The following KDM6A variants were observed in gnomAD, a reference collection of about 807,000 sequenced individuals.
The protein encoded by KDM6A is lysine demethylase 6A.
Under a neutral mutation model 117.6 loss-of-function variants are expected in KDM6A, and 11 were observed. That is an observed-to-expected ratio of 0.09 (90% CI 0.06 to 0.15). The LOEUF is 0.15. Among genes scored for constraint, KDM6A ranks in the 10% least tolerant of loss-of-function variants. The pLI is 1.00. For missense variants in KDM6A, 799 were observed against 1,077.3 expected (o/e 0.74, Z 3.62); for synonymous variants, 384 against 396.1 (o/e 0.97, Z 0.36).
chrX:44,917,211 G>A (rs1211057734), intron 2 of KDM6A, among the ~76,000 whole-genome samples: 1 of 110,088 alleles, frequency 9.1e-6, no homozygotes, highest in Admixed American at 9.7e-5. Flanking sequence ...ATTTTTAGTA[G>A]AGATAGGGTT....
chrX:44,887,399 A>G (rs957676717), intron 2 of KDM6A, among the ~76,000 whole-genome samples: 1 of 111,339 alleles, frequency 9.0e-6, no homozygotes, highest in South Asian at 3.8e-4. Context: ...ATATTAGTTC[A>G]ATATTTTCAG....
At chrX:44,956,984 G>T (rs1037201883) in intron 2 of KDM6A, among the ~76,000 whole-genome samples, 25 of 110,141 alleles carry the variant, frequency 2.3e-4, no homozygotes, top group African/African-American at 7.9e-4. Context: ...ACAAAAATTA[G>T]CCGGGCATGG....
At chrX:44,898,003 C>G (rs1307414956) in intron 2 of KDM6A, among the ~76,000 whole-genome samples, 2 of 111,575 alleles carry the variant, frequency 1.8e-5, no homozygotes, top group Non-Finnish European at 3.8e-5. Context: ...GTCATATGGC[C>G]TTAATGCAGA....
At chrX:45,014,743 C>A (rs995139444) in intron 5 of KDM6A, among the ~76,000 whole-genome samples, 1 of 111,923 alleles carries the variant, frequency 8.9e-6, no homozygotes, top group Non-Finnish European at 1.9e-5. Context: ...AAAGTCAGTA[C>A]AATAGAAATC....
intron 2 of KDM6A, among the ~76,000 whole-genome samples, chrX:44,925,430 A>G (rs1050356598): frequency 9.0e-6 from 1 of 111,702 alleles, no homozygotes; most frequent in African/African-American, 3.3e-5. Context: ...GTTGTTTCAC[A>G]TATTCTGCTT....
At chrX:45,019,673 G>A (rs1294843388) in intron 5 of KDM6A, among the ~76,000 whole-genome samples, 1 of 111,605 alleles carries the variant, frequency 9.0e-6, no homozygotes, top group Non-Finnish European at 1.9e-5. Flanking sequence ...ATATTAGCTT[G>A]TGCTTGGAAG....
Position 45,069,947 on chromosome X carries a change from T to C in KDM6A, c.2448T>C (p.His816=). The C allele has an allele frequency of 8.3e-7, 1 of 1,210,281 alleles. No homozygotes were observed. ...MTADAVCSPS[H]GDSKSPGLLS... Reference sequence around the variant, plus strand: ...CAGATGCTGTTTGCAGTCCTAGCCATGGAGATTCTAAGTCACCAGGTTTAC... The same window carrying C: ...CAGATGCTGTTTGCAGTCCTAGCCACGGAGATTCTAAGTCACCAGGTTTAC... Residue 816 remains histidine, a synonymous_variant, in exon 18 of 30, where the codon CAT becomes CAC. Transcript: ENST00000611820.
chrX:44,947,780 A>C (rs1391402225), intron 2 of KDM6A, among the ~76,000 whole-genome samples: 3 of 111,812 alleles, frequency 2.7e-5, no homozygotes, highest in Non-Finnish European at 3.8e-5. Context: ...GTTTATTATT[A>C]CATTTTAGTT....
chrX:45,058,053 T>C (rs1418737645), intron 10 of KDM6A, among the ~76,000 whole-genome samples: 1 of 103,429 alleles, frequency 9.7e-6, no homozygotes, highest in Non-Finnish European at 2.0e-5. Flanking sequence ...TCTTTACATA[T>C]TCAAATCCCT....
At position 45,070,021 on chromosome X, in the gene KDM6A, A is replaced by G. The variant is rs747545667; in HGVS notation, c.2522A>G (p.Asn841Ser). Residue 841 changes from asparagine to serine, a missense_variant, in exon 18 of 30, where the codon AAT becomes AGT. Asn to Ser is a conservative substitution (Grantham distance 46, BLOSUM62 1). Transcript: ENST00000611820. ...QLSALLMGKA[N>S]NNVGTGTCDK... ...TCTGCCTTGTTGATGGGAAAAGCCA[A>G]TAACAATGTGGGTACTGGAACCTGT... is the stretch of plus-strand genomic sequence containing the variant. 15 of 1,209,809 alleles carry G rather than the reference A, an allele frequency of 1.2e-5. No homozygotes were observed. The highest frequency in any genetic ancestry group is 4.4e-5 in the Admixed American group (2 of 45,790).
chrX:44,961,241 G>A (rs1033894253), intron 2 of KDM6A, 43 bp from the exon 3 acceptor site: 4 of 954,348 alleles, frequency 4.2e-6, no homozygotes, highest in Non-Finnish European at 6.0e-6. Context: ...TGTATTTTAG[G>A]GCTTTATTTT....
chrX:45,107,771 A>G (rs1266598154), intron 28 of KDM6A, among the ~76,000 whole-genome samples: 1 of 111,874 alleles, frequency 8.9e-6, no homozygotes, highest in Non-Finnish European at 1.9e-5. Flanking sequence ...TTTGTGGTAG[A>G]TCTTCAACAG....
At chrX:44,913,661 T>G (rs903023662) in intron 2 of KDM6A, among the ~76,000 whole-genome samples, 18 of 110,645 alleles carry the variant, frequency 1.6e-4, no homozygotes, top group African/African-American at 5.9e-4. Flanking sequence ...ATTAGTAGTG[T>G]GAGAAATGGG....
chrX:45,063,312 C>G (rs1200482126), intron 16 of KDM6A, 110 bp from the exon 17 acceptor site: 15 of 725,748 alleles, frequency 2.1e-5, no homozygotes, highest in Non-Finnish European at 3.0e-5. Context: ...CACACATTCC[C>G]TAATTATACA....
chrX:45,088,870 G>A (rs756208799), intron 25 of KDM6A, among the ~76,000 whole-genome samples: 1 of 112,580 alleles, frequency 8.9e-6, no homozygotes, highest in South Asian at 3.6e-4. Flanking sequence ...TGGTAGTAGT[G>A]GTCATGATTA....
intron 6 of KDM6A, among the ~76,000 whole-genome samples, chrX:45,033,908 G>A (rs1178028746): frequency 1.8e-5 from 2 of 110,794 alleles, no homozygotes; most frequent in Admixed American, 1.9e-4. Flanking sequence ...ACCAAGTGAT[G>A]TTTTCTAATT....
At chrX:45,032,219 C>T (rs1424177793) in intron 6 of KDM6A, among the ~76,000 whole-genome samples, 1 of 112,014 alleles carries the variant, frequency 8.9e-6, no homozygotes, top group Non-Finnish European at 1.9e-5. Flanking sequence ...TGTTTCCTAG[C>T]TGCCTCTGTT....
chrX:45,041,479 C>T (rs776524684), intron 8 of KDM6A, among the ~76,000 whole-genome samples: 1 of 107,454 alleles, frequency 9.3e-6, no homozygotes, highest in African/African-American at 3.4e-5. Flanking sequence ...GGCGGAGACG[C>T]TCCTCACTTC....
At chrX:45,005,610 T>A (rs1380656550) in intron 4 of KDM6A, among the ~76,000 whole-genome samples, 1 of 111,140 alleles carries the variant, frequency 9.0e-6, no homozygotes, top group Non-Finnish European at 1.9e-5. Context: ...TATTTTATCA[T>A]TTGTTGCTTT....
Sources: gnomAD v4.1 joint callset for allele counts (sites outside exome capture counted in the v4.1 genomes callset) on GRCh38, gnomAD v4.1.1 for gene constraint, MANE v1.5 for transcripts, NCBI Gene and HGNC (gene_info 2026-07-23, HGNC 2026-07-21) for gene names.